The following MCM2 variants were observed in gnomAD, a reference collection of about 807,000 sequenced individuals.
The protein encoded by MCM2 is DNA replication licensing factor MCM2.
A neutral mutation model predicts 86.4 loss-of-function variants in MCM2; 49 were observed. That is an observed-to-expected ratio of 0.57 (90% CI 0.45 to 0.72). MCM2 has a LOEUF of 0.72. MCM2 is among the 30% of genes least tolerant of loss of function. The pLI is 0.00. For missense variants in MCM2, 1,038 were observed against 1,259.9 expected, an observed-to-expected ratio of 0.82 and a Z score of 2.67; for synonymous variants, 475 against 484.6, an observed-to-expected ratio of 0.98 and a Z score of 0.26.
rs935944145 is a variant in MCM2, at chr3:127,617,181, C to T, written c.1773+63C>T. On this transcript the variant is annotated intron_variant, in intron 10 of 15. Transcript: ENST00000265056. The surrounding 1 kb of genome is among the most constrained non-coding windows in gnomAD (Gnocchi z 4.1). ...GGGTGTGTGTGGGCTTGGGCCTTAG[C>T]GACGGGAATGGTGTTAATGGGGTCC... 6.2e-6 allele frequency: 10 copies of T among 1,602,916 alleles called. No individual in the cohort carries two copies. Among genetic ancestry groups the T allele is most frequent in the African/African-American group, 4.0e-5 (3 of 74,682 alleles).
intron 8 of MCM2, among the ~76,000 whole-genome samples, chr3:127,610,280 C>A (rs746805101): frequency 6.6e-6 from 1 of 152,192 alleles, no homozygotes; most frequent in Non-Finnish European, 1.5e-5. Flanking sequence ...TTCCTTCTGA[C>A]GTATGTAAAC....
At position 127,617,255 on chromosome 3, in the gene MCM2, G is replaced by C. The variant is rs771963659; in HGVS notation, c.1774-24G>C. 1.4e-5 allele frequency: 22 copies of C among 1,613,874 alleles called. 1 individual carries two copies. In the South Asian group the frequency reaches 2.3e-4, roughly 17 times the overall value. ...GTAGTAGGGGCGTGAACCATGCTAA[G>C]GGTGGGCCATTTTAATCTTGCAGAT... On this transcript the variant is annotated intron_variant, in intron 10 of 15. Coordinates refer to ENST00000265056, the MANE Select transcript of MCM2 (RefSeq NM_004526.4). This position sits in a 1 kb window ranked among gnomAD's most constrained non-coding sequence, Gnocchi z 4.1.
At chr3:127,620,293 T>C (rs185809350) in intron 13 of MCM2, among the ~76,000 whole-genome samples, 2 of 152,370 alleles carry the variant, frequency 1.3e-5, no homozygotes, top group African/African-American at 4.8e-5. Flanking sequence ...CTTTTAACTT[T>C]ACCAAGTTTT....
intron 9 of MCM2, 59 bp from the exon 10 acceptor site, chr3:127,616,809 T>G: frequency 1.3e-6 from 2 of 1,567,598 alleles, no homozygotes; most frequent in Admixed American, 3.4e-5. Flanking sequence ...GATGCAACTG[T>G]GCCCTCCTCC....
chr3:127,606,657 G>T lies in MCM2; in HGVS notation c.941G>T (p.Ser314Ile). Residue 314 changes from serine to isoleucine, a missense_variant, in exon 6 of 16, where the codon AGC becomes ATC. By Grantham distance (142) the Ser-to-Ile change is moderately radical (BLOSUM62 -2). Coordinates refer to ENST00000265056, the MANE Select transcript of MCM2 (RefSeq NM_004526.4). The surrounding 1 kb of genome is among the most constrained non-coding windows in gnomAD (Gnocchi z 4.2). ...ATCCGCACCAGTGGGGTGGTGACCA[G>T]CTGCACTGGCGTCCTGCCCCAGCTC... ...QLIRTSGVVT[S>I]CTGVLPQLSM... The T allele has an allele frequency of 6.2e-7, 1 of 1,614,200 alleles. No individual in the cohort carries two copies. The highest frequency in any genetic ancestry group is 8.5e-7 in the Non-Finnish European group (1 of 1,180,038).
At chr3:127,620,253 AG>A (rs1449536768) in intron 13 of MCM2, among the ~76,000 whole-genome samples, 1 of 152,228 alleles carries the variant, frequency 6.6e-6, no homozygotes, top group Non-Finnish European at 1.5e-5. Context: ...AGCCACACCC[AG>A]TCAACACAGC....
At position 127,617,228 on chromosome 3, in the gene MCM2, T is replaced by C; in HGVS notation, c.1774-51T>C. 1 of 1,609,524 alleles carries C rather than the reference T, an allele frequency of 6.2e-7. No homozygotes were observed. Among genetic ancestry groups the C allele is most frequent in the Non-Finnish European group, 8.5e-7 (1 of 1,176,660 alleles). On this transcript the variant is annotated intron_variant, in intron 10 of 15. Coordinates refer to ENST00000265056, the MANE Select transcript of MCM2 (RefSeq NM_004526.4). The surrounding 1 kb of genome is among the most constrained non-coding windows in gnomAD (Gnocchi z 4.1). ...GTCCATTGGGACCTCATCGGAGACTTAGTAGTAGGGGCGTGAACCATGCTA... is the reference window on the plus strand; with the variant it reads ...GTCCATTGGGACCTCATCGGAGACTCAGTAGTAGGGGCGTGAACCATGCTA...
Position 127,617,463 on chromosome 3 carries a change from C to G in MCM2, c.1900+58C>G, listed in dbSNP as rs1441301694. 1.9e-6 allele frequency: 3 copies of G among 1,559,128 alleles called. No individual in the cohort carries two copies. The East Asian group carries it at 7.0e-5, about 36-fold the overall frequency. Reference sequence around the variant, plus strand: ...GTGGGACACAGGGAGGTCCCGCCTGCTTGAATTGGGAGCCCACGGGGTCCC... The same window carrying G: ...GTGGGACACAGGGAGGTCCCGCCTGGTTGAATTGGGAGCCCACGGGGTCCC... On this transcript the variant is annotated intron_variant, in intron 11 of 15. Transcript: ENST00000265056. The surrounding 1 kb of genome is among the most constrained non-coding windows in gnomAD (Gnocchi z 4.1).
intron 8 of MCM2, among the ~76,000 whole-genome samples, chr3:127,609,407 G>C (rs1329079599): frequency 1.3e-5 from 2 of 152,144 alleles, no homozygotes; most frequent in Admixed American, 1.3e-4. Flanking sequence ...GTGTCATGAG[G>C]GATTCCTAGG....
At position 127,606,450 on chromosome 3, in the gene MCM2, C is replaced by T; in HGVS notation, c.893+113C>T. The T allele has an allele frequency of 8.2e-7, 1 of 1,221,750 alleles. No homozygotes were observed. Among genetic ancestry groups the T allele is most frequent in the Non-Finnish European group, 1.2e-6 (1 of 858,584 alleles). 75.7% of individuals were successfully genotyped at this position (1,221,750 alleles called of 1,614,324 possible). A position where few individuals can be genotyped will look rare whatever the true frequency, so the allele number is the denominator to read the frequency against. ...CGGGGAGGGTGCAGCCAGCAGCATC[C>T]TCATCGCAGGTGAGTTGTGGTTGCA... On this transcript the variant is annotated intron_variant, in intron 5 of 15. Transcript: ENST00000265056. The surrounding 1 kb of genome is among the most constrained non-coding windows in gnomAD (Gnocchi z 4.2).
chr3:127,602,038 A>G (rs1559860600), intron 2 of MCM2, among the ~76,000 whole-genome samples: 1 of 152,176 alleles, frequency 6.6e-6, no homozygotes, highest in Non-Finnish European at 1.5e-5. Flanking sequence ...TATTCTGAAT[A>G]TAAGTCCTCT....
chr3:127,606,910 T>G lies in MCM2; in HGVS notation c.1101+93T>G. On this transcript the variant is annotated intron_variant, in intron 6 of 15. Transcript: ENST00000265056. The surrounding 1 kb of genome is among the most constrained non-coding windows in gnomAD (Gnocchi z 4.2). ...CCTCTCAGGCTGTGGAAGACCAGTG[T>G]GGGCAGCCGCAAGAAGCAAGATAGA... The G allele has an allele frequency of 7.9e-7, 1 of 1,261,392 alleles. No individual in the cohort carries two copies. 78.1% of individuals were successfully genotyped at this position (1,261,392 alleles called of 1,614,324 possible).
Position 127,599,018 on chromosome 3 carries a change from A to T in MCM2, c.7-300A>T, listed in dbSNP as rs17496873. On this transcript the variant is annotated intron_variant, in intron 1 of 15. Coordinates refer to ENST00000265056, the MANE Select transcript of MCM2 (RefSeq NM_004526.4). ...GAGATAATAGACAGTAAACAGGTAA[A>T]TAGGCAAATGACATAACCTCAGTGG... 2.6e-4 allele frequency: 129 copies of T among 498,054 alleles called. 1 individual carries two copies. The highest frequency in any genetic ancestry group is 2.3e-3 in the African/African-American group (120 of 51,864). The allele number at this position is 498,054 out of a possible 1,614,324, so 30.9% of individuals were successfully genotyped here. A position where few individuals can be genotyped will look rare whatever the true frequency, so the allele number is the denominator to read the frequency against.
intron 2 of MCM2, 181 bp from the exon 3 acceptor site, chr3:127,604,427 C>T (rs773861359): frequency 9.7e-6 from 6 of 615,862 alleles, no homozygotes; most frequent in East Asian, 5.4e-5. Flanking sequence ...ATGGACAGAT[C>T]GTGTTTTGTT....
Position 127,604,751 on chromosome 3 carries a change from G to A in MCM2, c.380G>A (p.Gly127Asp), listed in dbSNP as rs1274048694. Reference protein sequence around the residue: ...MRQRDREAGRGLGRMRRGLLY... With the variant: ...MRQRDREAGRDLGRMRRGLLY... The stretch of plus-strand genomic sequence containing the variant: ...CAGCGTGACCGGGAGGCTGGCCGGG[G>A]CCTGGGCCGCATGCGCCGTGGGCTC... The change falls in exon 3 of 16, where the codon GGC becomes GAC. Residue 127 changes from glycine (G) to aspartate (D), a missense_variant. By Grantham distance (94) the Gly-to-Asp change is moderately conservative. Transcript: ENST00000265056. 2 of 1,605,540 alleles carry A rather than the reference G, an allele frequency of 1.2e-6. No individual in the cohort carries two copies. The highest frequency in any genetic ancestry group is 1.7e-6 in the Non-Finnish European group (2 of 1,176,808).
chr3:127,615,796 A>G (rs1465482492), intron 8 of MCM2, 66 bp from the exon 9 acceptor site: 6 of 1,172,330 alleles, frequency 5.1e-6, no homozygotes, highest in Non-Finnish European at 6.4e-6. Flanking sequence ...CTGATGCCAG[A>G]GCATGTGGGT....
At chr3:127,616,361 A>G (rs1361645053) in intron 9 of MCM2, among the ~76,000 whole-genome samples, 1 of 152,146 alleles carries the variant, frequency 6.6e-6, no homozygotes. Flanking sequence ...TTCTCTTCCT[A>G]GTCCCTCCCT....
In MCM2 at chr3:127,617,914, T is replaced by C; in HGVS notation, c.1901-55T>C. On this transcript the variant is annotated intron_variant, in intron 11 of 15. Transcript: ENST00000265056. The surrounding 1 kb of genome is among the most constrained non-coding windows in gnomAD (Gnocchi z 4.1). ...TGCCATCAGAGCAGCCTGGGGTCCC[T>C]GAGATGGGAGGATAGGGGAATCCAC... is the stretch of plus-strand genomic sequence containing the variant. The C allele has an allele frequency of 7.1e-7, 1 of 1,402,638 alleles. No individual in the cohort carries two copies. Among genetic ancestry groups the C allele is most frequent in the South Asian group, 1.2e-5 (1 of 83,274 alleles). 86.9% of individuals were successfully genotyped at this position (1,402,638 alleles called of 1,614,324 possible).
chr3:127,605,212 C>G, intron 4 of MCM2, 56 bp downstream of exon 4: 5 of 1,582,510 alleles, frequency 3.2e-6, no homozygotes, highest in Non-Finnish European at 4.3e-6. Flanking sequence ...TAAATCCTCC[C>G]CAGAAAGTTG....
Sources: allele counts gnomAD v4.1 joint callset (sites outside exome capture counted in the v4.1 genomes callset), GRCh38; gene constraint gnomAD v4.1.1; non-coding constraint Gnocchi (gnomAD v3.1); transcripts MANE v1.5; gene names NCBI Gene and HGNC (gene_info 2026-07-23, HGNC 2026-07-21).